The following LINGO2 variants were observed in gnomAD, a reference collection of about 807,000 sequenced individuals.
The protein encoded by LINGO2 is leucine-rich repeat and immunoglobulin-like domain-containing nogo receptor-interacting protein 2.
Under a neutral mutation model 30.6 loss-of-function variants are expected in LINGO2, and 14 were observed. That is an observed-to-expected ratio of 0.46 (90% CI 0.30 to 0.72). The LOEUF (loss-of-function observed/expected upper bound fraction) is 0.72, where lower values mean the gene tolerates loss of function less well. Among genes scored for constraint, LINGO2 ranks in the 30% least tolerant of loss-of-function variants. The pLI, the probability that LINGO2 is intolerant of heterozygous loss-of-function variation, is 0.07. For missense variants in LINGO2, 729 were observed against 751.7 expected (o/e 0.97, Z 0.35); for synonymous variants, 317 against 288.5 (o/e 1.10, Z -1.00).
chr9:28,058,732 A>C (rs1456975082), intron 4 of LINGO2, among the ~76,000 whole-genome samples: 1 of 152,128 alleles, frequency 6.6e-6, no homozygotes, highest in Non-Finnish European at 1.5e-5. Context: ...TAAAATTCCA[A>C]ACTTATCAAA....
At chr9:29,009,770 C>G in the LINGO2 span, among the ~76,000 whole-genome samples, 1 of 152,158 alleles carries the variant, frequency 6.6e-6, no homozygotes, top group South Asian at 2.1e-4. Context: ...TGCTACCTGA[C>G]TTCAAACTAT....
chr9:28,364,527 T>G (rs1184101900), intron 3 of LINGO2, among the ~76,000 whole-genome samples: 1 of 152,210 alleles, frequency 6.6e-6, no homozygotes, highest in African/African-American at 2.4e-5. Flanking sequence ...TGCCATTTTA[T>G]ATAGCTCTCT....
intron 4 of LINGO2, among the ~76,000 whole-genome samples, chr9:28,265,588 G>A (rs1822720351): frequency 6.6e-6 from 1 of 151,890 alleles, no homozygotes; most frequent in Non-Finnish European, 1.5e-5. Flanking sequence ...GTATTAAAGA[G>A]TAAAGGGGCA....
chr9:28,161,632 C>T (rs540826201), intron 4 of LINGO2, among the ~76,000 whole-genome samples: 14 of 151,592 alleles, frequency 9.2e-5, no homozygotes, highest in East Asian at 1.9e-4. Flanking sequence ...GAAAATAGAA[C>T]GAGAAGGATT....
At chr9:28,002,871 C>T (rs1822033644) in intron 5 of LINGO2, among the ~76,000 whole-genome samples, 1 of 151,988 alleles carries the variant, frequency 6.6e-6, no homozygotes, top group Non-Finnish European at 1.5e-5. Flanking sequence ...GTGTTTCAAT[C>T]GTGTGGTGTG....
the LINGO2 span, among the ~76,000 whole-genome samples, chr9:28,699,311 G>A: frequency 4.3e-3 from 661 of 152,012 alleles, 1 homozygote; most frequent in Non-Finnish European, 7.3e-3. Context: ...CCGAATGAAG[G>A]GACTGGCTGG....
chr9:28,735,585 C>T, the LINGO2 span, among the ~76,000 whole-genome samples: 3 of 151,930 alleles, frequency 2.0e-5, no homozygotes, highest in African/African-American at 4.8e-5. Flanking sequence ...GTTAGGTAAT[C>T]CCATATTCCC....
the LINGO2 span, among the ~76,000 whole-genome samples, chr9:29,021,180 G>C: frequency 1.3e-5 from 2 of 152,150 alleles, no homozygotes; most frequent in African/African-American, 4.8e-5. Context: ...ATTTAGAACA[G>C]TTTTGAAATC....
At chr9:28,559,621 T>C (rs965194288) in intron 1 of LINGO2, among the ~76,000 whole-genome samples, 3 of 152,184 alleles carry the variant, frequency 2.0e-5, no homozygotes, top group Admixed American at 1.3e-4. Flanking sequence ...TTTATTATTT[T>C]CTTTCAACCC....
intron 5 of LINGO2, among the ~76,000 whole-genome samples, chr9:27,982,281 A>T (rs1016575875): frequency 4.6e-5 from 7 of 151,862 alleles, no homozygotes; most frequent in African/African-American, 1.7e-4. Context: ...TACACCACAC[A>T]TAATTTATAA....
At chr9:28,344,379 T>C (rs1249240851) in intron 3 of LINGO2, among the ~76,000 whole-genome samples, 1 of 152,144 alleles carries the variant, frequency 6.6e-6, no homozygotes, top group African/African-American at 2.4e-5. Flanking sequence ...ATGGTTATGT[T>C]ATTAAGTGAA....
the LINGO2 span, among the ~76,000 whole-genome samples, chr9:28,994,372 T>C: frequency 4.6e-5 from 7 of 152,044 alleles, no homozygotes; most frequent in South Asian, 1.0e-3. Context: ...TAAAAGAGGA[T>C]ACAAAGAAAT....
At chr9:28,501,112 T>C (rs1441886944) in intron 1 of LINGO2, among the ~76,000 whole-genome samples, 3 of 152,156 alleles carry the variant, frequency 2.0e-5, no homozygotes, top group Non-Finnish European at 4.4e-5. Context: ...AAAAGATTTC[T>C]ATATCAAGAA....
the LINGO2 span, among the ~76,000 whole-genome samples, chr9:28,743,941 T>C: frequency 6.6e-6 from 1 of 151,670 alleles, no homozygotes; most frequent in Non-Finnish European, 1.5e-5. Flanking sequence ...CTGCTACATG[T>C]ATGTTGGTGT....
the LINGO2 span, among the ~76,000 whole-genome samples, chr9:29,187,974 TAA>T: frequency 6.7e-5 from 10 of 149,646 alleles, no homozygotes; most frequent in African/African-American, 2.4e-4. Context: ...TTTTTCCAAA[TAA>T]AAAGTTATTT....
At chr9:28,362,214 ATGTG>A (rs10631893) in intron 3 of LINGO2, among the ~76,000 whole-genome samples, 7 of 151,006 alleles carry the variant, frequency 4.6e-5, no homozygotes, top group South Asian at 4.2e-4. Flanking sequence ...TTGTGTGTGT[ATGTG>A]TGTGTGTGTG....
chr9:27,970,950 C>G (rs1256052514), intron 5 of LINGO2, among the ~76,000 whole-genome samples: 1 of 150,570 alleles, frequency 6.6e-6, no homozygotes, highest in East Asian at 1.9e-4. Context: ...TATGTAAACT[C>G]ATAAGGCATG....
chr9:29,057,297 A>G, the LINGO2 span, among the ~76,000 whole-genome samples: 56 of 152,284 alleles, frequency 3.7e-4, no homozygotes, highest in South Asian at 0.011. Context: ...TTGATAATGT[A>G]ATTTAAAAAT....
In LINGO2 at chr9:28,571,361, G is replaced by A. The variant is rs888407244; in HGVS notation, c.-364-95336C>T. Among the ~76,000 whole-genome samples, 16 of 152,092 alleles carry A rather than the reference G, an allele frequency of 1.1e-4. 1 individual carries two copies. The East Asian group carries it at 2.7e-3, about 26-fold the overall frequency. ...AGTAACATATACATGTTTAATTACT[G>A]GTATTCCATATGCAGGGTTGGCTGC... is the stretch of plus-strand genomic sequence containing the variant. On this transcript the variant is annotated intron_variant, in intron 1 of 5. Transcript: ENST00000379992.
Sources: gnomAD v4.1 joint callset for allele counts (sites outside exome capture counted in the v4.1 genomes callset) on GRCh38, gnomAD v4.1.1 for gene constraint, MANE v1.5 for transcripts, NCBI Gene and HGNC (gene_info 2026-07-23, HGNC 2026-07-21) for gene names.